The following LAMA3 variants were observed in gnomAD, a reference collection of about 807,000 sequenced individuals.
LAMA3 encodes laminin subunit alpha-3.
A neutral mutation model predicts 402.0 loss-of-function variants in LAMA3; 281 were observed. The ratio of observed to expected loss-of-function variants is 0.70; its 90% CI spans 0.63 to 0.77. The LOEUF is 0.77. LAMA3 is among the 30% of genes least tolerant of loss of function. The probability of loss-of-function intolerance (pLI) is 0.00; values close to 1 mark genes in which losing one functional copy is unlikely to be tolerated. For missense variants in LAMA3, 3,840 were observed against 4,215.5 expected (o/e 0.91, Z 2.47); for synonymous variants, 1,431 against 1,558.4 (o/e 0.92, Z 1.93).
intron 2 of LAMA3, among the ~76,000 whole-genome samples, chr18:23,718,371 C>T (rs2061147785): frequency 6.6e-6 from 1 of 152,024 alleles, no homozygotes; most frequent in African/African-American, 2.4e-5. Context: ...TGACTTCAGC[C>T]CCCGCAGAGC....
chr18:23,828,751 T>C (rs1421164923), intron 23 of LAMA3, among the ~76,000 whole-genome samples: 2 of 152,194 alleles, frequency 1.3e-5, no homozygotes, highest in African/African-American at 4.8e-5. Flanking sequence ...TCTTTTACAA[T>C]ACGGAAATAT....
rs758367651 is a variant in LAMA3 at position 23,946,148 on chromosome 18, T to G, written c.9215T>G (p.Val3072Gly). 7 of 1,613,892 alleles carry G rather than the reference T, an allele frequency of 4.3e-6. No individual in the cohort carries two copies. The East Asian group carries it at 1.3e-4, about 31-fold the overall frequency. The change falls in exon 70 of 75, where the codon GTG becomes GGG. Residue 3072 changes from valine (V) to glycine (G), a missense_variant. This residue lies in a region of LAMA3 where 840 missense variants were observed against 981.9 expected (regional missense o/e 0.86). Transcript: ENST00000313654. ...CGTATCTTTCTTACTCTGAAGGTGG[T>G]GTTTGGCCATGATGGGGAAAAGGGG... ...KCNDGKWHTV[V>G]FGHDGEKGRL...
intron 4 of LAMA3, among the ~76,000 whole-genome samples, chr18:23,749,954 C>T (rs2061715524): frequency 6.6e-6 from 1 of 152,178 alleles, no homozygotes; most frequent in Non-Finnish European, 1.5e-5. Flanking sequence ...TCTCTTCCCT[C>T]ATCTGATGAC....
chr18:23,850,684 C>A (rs1429519168), intron 32 of LAMA3, among the ~76,000 whole-genome samples: 1 of 152,140 alleles, frequency 6.6e-6, no homozygotes, highest in African/African-American at 2.4e-5. Flanking sequence ...TTTAGCACAA[C>A]AAGACAGCAC....
At chr18:23,731,893 C>T (rs556604495) in intron 2 of LAMA3, among the ~76,000 whole-genome samples, 1 of 152,128 alleles carries the variant, frequency 6.6e-6, no homozygotes, top group Non-Finnish European at 1.5e-5. Flanking sequence ...CCTACACATG[C>T]ACTTCCTGGA....
chr18:23,735,537 A>G (rs1430700345), intron 2 of LAMA3, among the ~76,000 whole-genome samples: 1 of 151,944 alleles, frequency 6.6e-6, no homozygotes, highest in Non-Finnish European at 1.5e-5. Flanking sequence ...CTTCTCCTTC[A>G]TAAGCATCTG....
chr18:23,860,096 G>T (rs1568266331), intron 34 of LAMA3, among the ~76,000 whole-genome samples: 1 of 152,180 alleles, frequency 6.6e-6, no homozygotes, highest in Non-Finnish European at 1.5e-5. Context: ...GGTTTTAGGA[G>T]CTCTGTGCCA....
In LAMA3 at chr18:23,951,670, C is replaced by T. The variant is rs72875942; in HGVS notation, c.9643-14C>T. 16,490 of 1,608,286 alleles carry T rather than the reference C, an allele frequency of 0.01. 182 individuals are homozygous for T. The highest frequency in any genetic ancestry group is 0.053 in the Middle Eastern group (323 of 6,060). ...CCTTCCTGAAGGAAATAGGAAAATG[C>T]ATGTGTGTTCCAGGTCACGGCCTCT... On this transcript the variant is annotated splice_polypyrimidine_tract_variant and intron_variant, in intron 72 of 74. Coordinates refer to ENST00000313654, the MANE Select transcript of LAMA3 (RefSeq NM_198129.4).
intron 2 of LAMA3, among the ~76,000 whole-genome samples, chr18:23,747,044 G>A (rs893878415): frequency 2.6e-5 from 4 of 152,146 alleles, no homozygotes; most frequent in Admixed American, 2.0e-4. Flanking sequence ...GGCTAGAGGC[G>A]AGTGCTCCTC....
Position 23,763,269 on chromosome 18 carries a change from A to C in LAMA3, c.1064-136A>C. The C allele has an allele frequency of 1.0e-5, 7 of 675,344 alleles. No individual in the cohort carries two copies. The South Asian group carries it at 1.1e-4, about 10-fold the overall frequency. The allele number at this position is 675,344 out of a possible 1,614,324, so 41.8% of individuals were successfully genotyped here. On this transcript the variant is annotated intron_variant, in intron 7 of 74. Coordinates refer to ENST00000313654, the MANE Select transcript of LAMA3 (RefSeq NM_198129.4). ...GGTCTTTGTGTAAAGATCCCTAAAA[A>C]TTTTCCCCTAAGAGTGTCCTGGGTG...
intron 64 of LAMA3, among the ~76,000 whole-genome samples, chr18:23,929,902 A>G (rs2082114207): frequency 6.6e-6 from 1 of 152,232 alleles, no homozygotes; most frequent in Non-Finnish European, 1.5e-5. Flanking sequence ...TTAGCAAAAG[A>G]TTAGATCCGC....
intron 18 of LAMA3, among the ~76,000 whole-genome samples, chr18:23,818,063 G>C (rs1470759988): frequency 6.6e-6 from 1 of 152,180 alleles, no homozygotes; most frequent in Non-Finnish European, 1.5e-5. Flanking sequence ...GCTGAGGCAG[G>C]AGAATTGCTT....
chr18:23,871,480 T>C lies in LAMA3; in HGVS notation c.4817T>C (p.Leu1606Pro). ...SSRAPVSREELMTVLSRLADV... is the reference protein window; with the variant it reads ...SSRAPVSREEPMTVLSRLADV... ...CGTGCCCCAGTGTCTAGGGAGGAGC[T>C]GATGACAGTGCTGTCTAGACTGGCA... The change falls in exon 38 of 75, where the codon CTG becomes CCG. Residue 1606 changes from leucine (L) to proline (P), a missense_variant. Transcript: ENST00000313654. 1 of 1,613,698 alleles carries C rather than the reference T, an allele frequency of 6.2e-7. No individual in the cohort carries two copies. The highest frequency in any genetic ancestry group is 8.5e-7 in the Non-Finnish European group (1 of 1,179,898).
chr18:23,938,421 C>T (rs935977890), intron 67 of LAMA3, among the ~76,000 whole-genome samples: 4 of 152,190 alleles, frequency 2.6e-5, no homozygotes, highest in Non-Finnish European at 4.4e-5. Flanking sequence ...TTTTCCTAGT[C>T]ACATTTAACA....
At chr18:23,932,069 G>T in intron 65 of LAMA3, 91 bp from the exon 66 acceptor site, 1 of 1,445,468 alleles carries the variant, frequency 6.9e-7, no homozygotes, top group Non-Finnish European at 9.7e-7. Flanking sequence ...AACAAATATT[G>T]AATCTGAGTC....
intron 2 of LAMA3, among the ~76,000 whole-genome samples, chr18:23,740,693 G>A (rs965756112): frequency 1.3e-5 from 2 of 152,176 alleles, no homozygotes; most frequent in African/African-American, 4.8e-5. Flanking sequence ...AGACATCTGT[G>A]CTACTCCACA....
intron 8 of LAMA3, among the ~76,000 whole-genome samples, chr18:23,765,261 G>A (rs1400102789): frequency 6.6e-6 from 1 of 152,176 alleles, no homozygotes. Flanking sequence ...TGGAAAGTTG[G>A]TGGGGAGTCC....
intron 70 of LAMA3, 72 bp downstream of exon 70, chr18:23,946,356 T>C: frequency 7.0e-7 from 1 of 1,420,200 alleles, no homozygotes; most frequent in Non-Finnish European, 1.0e-6. Flanking sequence ...GTATGAGATA[T>C]TCAAAATACT....
intron 68 of LAMA3, among the ~76,000 whole-genome samples, chr18:23,941,413 G>A (rs1193961158): frequency 2.0e-5 from 3 of 147,844 alleles, no homozygotes; most frequent in African/African-American, 5.0e-5. Flanking sequence ...GTGCCTTCCC[G>A]TCCAACATTA....
Sources: gnomAD v4.1 joint callset for allele counts (sites outside exome capture counted in the v4.1 genomes callset) on GRCh38, gnomAD v4.1.1 for gene constraint, gnomAD v4.1.1 regional missense constraint, MANE v1.5 for transcripts, NCBI Gene and HGNC (gene_info 2026-07-23, HGNC 2026-07-21) for gene names.